Variants in CD72 observed in about 807,000 individuals in gnomAD.
CD72 encodes B-cell differentiation antigen CD72.
CD72 carries 28 observed loss-of-function variants against 50.7 expected under a neutral mutation model. The observed-to-expected ratio is 0.55, with a 90% CI of 0.41 to 0.76. The LOEUF (loss-of-function observed/expected upper bound fraction) is 0.76, where lower values mean the gene tolerates loss of function less well. CD72 is among the 30% of genes least tolerant of loss of function. The pLI, the probability that CD72 is intolerant of heterozygous loss-of-function variation, is 0.00. For synonymous variants in CD72, 176 were observed against 171.2 expected, an observed-to-expected ratio of 1.03 and a Z score of -0.22; for missense variants, 403 against 420.6, an observed-to-expected ratio of 0.96 and a Z score of 0.37.
At position 35,610,052 on chromosome 9, in the gene CD72, C is replaced by G. The variant is rs968689740; in HGVS notation, c.*271G>C. On this transcript the variant is annotated 3_prime_UTR_variant, in exon 9 of 9. Coordinates refer to ENST00000259633, the MANE Select transcript of CD72 (RefSeq NM_001782.3). ...GCCCCTATCCGCTCAGCCCGTGCGC[C>G]CTCCTCCCCCACCCCATTCTACCAT... The G allele has an allele frequency of 3.1e-6, 1 of 321,310 alleles. No individual in the cohort carries two copies. The highest frequency in any genetic ancestry group is 5.7e-6 in the Non-Finnish European group (1 of 175,896). The allele number at this position is 321,310 out of a possible 1,614,324, so 19.9% of individuals were successfully genotyped here.
At chr9:35,643,154 T>C (rs1175576958) in intron 1 of CD72, 1 of 152,246 alleles carries the variant, frequency 6.6e-6, no homozygotes, top group African/African-American at 2.4e-5. Context: ...GGCCTGAGAA[T>C]GCCCACAGCT....
rs766409097 is a variant in CD72 at position 35,618,125 on chromosome 9, GAGAGA to G, written c.83-9_83-5del. The G allele has an allele frequency of 1.2e-5, 20 of 1,612,424 alleles. No individual in the cohort carries two copies. The highest frequency in any genetic ancestry group is 1.6e-5 in the Non-Finnish European group (19 of 1,178,504). ...CCATCATCATCAGCCCCTGGGTCTA[GAGAGA>G]AGAGAAAAGGGACCAAGGTGGGATT... On this transcript the variant is annotated splice_polypyrimidine_tract_variant and splice_region_variant and intron_variant, in intron 1 of 8. Coordinates refer to ENST00000259633, the MANE Select transcript of CD72 (RefSeq NM_001782.3).
upstream of CD72, among the ~76,000 whole-genome samples, chr9:35,619,106 T>TTGGTTC (rs1488156430): frequency 6.6e-6 from 1 of 152,216 alleles, no homozygotes; most frequent in Non-Finnish European, 1.5e-5. Context: ...TGGTTTGGTT[T>TTGGTTC]TGGTTCGTCT....
chr9:35,624,223 TAATAATA>T (rs1823174246), upstream of CD72, among the ~76,000 whole-genome samples: 1 of 105,568 alleles, frequency 9.5e-6, no homozygotes, highest in East Asian at 2.3e-4. Context: ...AAAATAATAA[TAATAATA>T]ATAATAATAA....
At chr9:35,640,185 T>TAA (rs1248577167) in intron 1 of CD72, among the ~76,000 whole-genome samples, 1 of 152,254 alleles carries the variant, frequency 6.6e-6, no homozygotes. Flanking sequence ...CTCCATAAGT[T>TAA]AAGGGCTTAA....
upstream of CD72, among the ~76,000 whole-genome samples, chr9:35,620,932 G>A (rs1165924015): frequency 6.6e-6 from 1 of 152,202 alleles, no homozygotes; most frequent in African/African-American, 2.4e-5. Flanking sequence ...CTCTTTTGGT[G>A]ATGGTTACAT....
At chr9:35,644,833 T>C (rs1823372624) in intron 1 of CD72, among the ~76,000 whole-genome samples, 1 of 151,040 alleles carries the variant, frequency 6.6e-6, no homozygotes, top group African/African-American at 2.4e-5. Context: ...TGTCTGTTGG[T>C]CTTTCCCCCA....
chr9:35,643,486 A>G (rs918841839), intron 1 of CD72: 3 of 152,150 alleles, frequency 2.0e-5, no homozygotes, highest in Non-Finnish European at 4.4e-5. Flanking sequence ...TGATTGCCCC[A>G]TGTGTCCTTA....
chr9:35,634,390 T>C (rs999899004), intron 1 of CD72, among the ~76,000 whole-genome samples: 1 of 152,212 alleles, frequency 6.6e-6, no homozygotes, highest in Non-Finnish European at 1.5e-5. Flanking sequence ...CTCACTCTTG[T>C]TCCCCAGGCT....
chr9:35,611,874 C>T lies in CD72; in HGVS notation c.880G>A (p.Gly294Arg). The T allele has an allele frequency of 6.2e-7, 1 of 1,612,624 alleles. No individual in the cohort carries two copies. ...LNSLLPNGGSGNSYWTGLSSN... is the reference protein window; with the variant it reads ...LNSLLPNGGSRNSYWTGLSSN... ...CTGAGGCCAGTCCAATATGAATTCC[C>T]TGAACCACCATTTGGCAACAGTGAA... is the stretch of plus-strand genomic sequence containing the variant. Residue 294 changes from glycine to arginine, a missense_variant, in exon 7 of 9, where the codon GGG becomes AGG. Physicochemically the swap from Gly to Arg is moderately radical, Grantham distance 125 (BLOSUM62 -2). Transcript: ENST00000259633.
chr9:35,639,358 G>C, intron 1 of CD72, among the ~76,000 whole-genome samples: 1 of 152,136 alleles, frequency 6.6e-6, no homozygotes, highest in Non-Finnish European at 1.5e-5. Flanking sequence ...ATTTGTACGT[G>C]GTAGTGTGAC....
chr9:35,642,330 A>C (rs1823348057), intron 1 of CD72, among the ~76,000 whole-genome samples: 1 of 152,214 alleles, frequency 6.6e-6, no homozygotes, highest in Admixed American at 6.5e-5. Context: ...CTTGATATTT[A>C]AGTAAATGGT....
rs1367917429 is a variant in CD72, at chr9:35,617,161, C to T, written c.262+15G>A. 2 of 1,557,044 alleles carry T rather than the reference C, an allele frequency of 1.3e-6. No individual in the cohort carries two copies. Among genetic ancestry groups the T allele is most frequent in the Admixed American group, 3.9e-5 (2 of 51,918 alleles). On this transcript the variant is annotated intron_variant, in intron 3 of 8. Transcript: ENST00000259633. ...AGCACTTGGCCCCGCGGCTGCCCCGCACAGGCACACTCACAGGGGAGAATC... is the reference window on the plus strand; with the variant it reads ...AGCACTTGGCCCCGCGGCTGCCCCGTACAGGCACACTCACAGGGGAGAATC...
At chr9:35,626,987 G>A (rs1269689344) in intron 1 of CD72, among the ~76,000 whole-genome samples, 5 of 151,878 alleles carry the variant, frequency 3.3e-5, no homozygotes, top group East Asian at 1.9e-4. Flanking sequence ...ACAGGTGCCC[G>A]CCACCATGCC....
At chr9:35,617,121 G>A in intron 3 of CD72, 55 bp downstream of exon 3, 5 of 1,547,568 alleles carry the variant, frequency 3.2e-6, no homozygotes, top group Non-Finnish European at 4.4e-6. Flanking sequence ...GCCATCCGCA[G>A]CCGGGACAGG....
rs1418970961 is a variant in CD72, at chr9:35,617,980, C to T, written c.190+34G>A. On this transcript the variant is annotated intron_variant, in intron 2 of 8. Coordinates refer to ENST00000259633, the MANE Select transcript of CD72 (RefSeq NM_001782.3). ...GACTCCCCAGCTCAAGACACAGCCC[C>T]CCAACAAACACACATCCCCCAGGCT... 4 of 1,268,028 alleles carry T rather than the reference C, an allele frequency of 3.2e-6. No individual in the cohort carries two copies. The African/African-American group carries it at 4.4e-5, about 14-fold the overall frequency. 78.5% of individuals were successfully genotyped at this position (1,268,028 alleles called of 1,614,324 possible).
chr9:35,611,724 G>T, intron 7 of CD72, 80 bp downstream of exon 7: 1 of 788,206 alleles, frequency 1.3e-6, no homozygotes, highest in Non-Finnish European at 2.3e-6. Context: ...AGGGGACCAG[G>T]TGGGAAGGAA....
intron 3 of CD72, 161 bp from the exon 4 acceptor site, chr9:35,616,850 G>T: frequency 2.0e-6 from 2 of 1,000,068 alleles, no homozygotes; most frequent in Non-Finnish European, 1.5e-6. Context: ...GGGTAGCGGG[G>T]TGTTTCGCAG....
intron 1 of CD72, among the ~76,000 whole-genome samples, chr9:35,634,166 T>A (rs1823270163): frequency 6.6e-6 from 1 of 152,188 alleles, no homozygotes; most frequent in Non-Finnish European, 1.5e-5. Flanking sequence ...CTTTGCTAGA[T>A]TAAATAAATT....
Sources: allele counts gnomAD v4.1 joint callset (sites outside exome capture counted in the v4.1 genomes callset), GRCh38; gene constraint gnomAD v4.1.1; transcripts MANE v1.5; gene names NCBI Gene and HGNC (gene_info 2026-07-23, HGNC 2026-07-21).